The following OTOA variants were observed in gnomAD, a reference collection of about 807,000 sequenced individuals.
The protein encoded by OTOA is cancer/testis antigen 108.
In OTOA, 70 loss-of-function variants were observed where a neutral mutation model predicts 110.8. That is an observed-to-expected ratio of 0.63 (90% CI 0.52 to 0.77). OTOA has a LOEUF of 0.77. Ranked by LOEUF, OTOA falls within the 30% of genes least tolerant of loss-of-function variation. The probability of loss-of-function intolerance (pLI) is 0.00; values close to 1 mark genes in which losing one functional copy is unlikely to be tolerated. For synonymous variants in OTOA, 373 were observed against 431.5 expected (o/e 0.86, Z 1.68); for missense variants, 917 against 1,075.8 (o/e 0.85, Z 2.06).
intron 17 of OTOA, 89 bp from the exon 18 acceptor site, chr16:21,722,816 G>A: frequency 8.6e-7 from 1 of 1,157,502 alleles, no homozygotes; most frequent in East Asian, 2.3e-5. Flanking sequence ...CACGTATGAA[G>A]CACTTAGAAT....
chr16:21,685,913 T>G (rs574756664), intron 7 of OTOA, among the ~76,000 whole-genome samples: 27 of 152,246 alleles, frequency 1.8e-4, no homozygotes, highest in African/African-American at 6.5e-4. Flanking sequence ...TCTGAGAATC[T>G]CCTGGTTGTT....
At chr16:21,759,514 C>T (rs1240115630) in intron 28 of OTOA, among the ~76,000 whole-genome samples, 1 of 151,460 alleles carries the variant, frequency 6.6e-6, no homozygotes, top group African/African-American at 2.4e-5. Context: ...GCTGCAGCTC[C>T]TGACCTGATA....
intron 6 of OTOA, among the ~76,000 whole-genome samples, chr16:21,682,588 T>C (rs1036491350): frequency 1.3e-5 from 2 of 152,226 alleles, no homozygotes; most frequent in Non-Finnish European, 2.9e-5. Context: ...CTCGTGCCTG[T>C]GGTGGTGACT....
At chr16:21,709,438 G>GA (rs199771535) in intron 12 of OTOA, among the ~76,000 whole-genome samples, 227 of 137,496 alleles carry the variant, frequency 1.7e-3, no homozygotes, top group African/African-American at 4.3e-3. Context: ...TCTGTCTTAA[G>GA]AAAAAAAAAA....
At chr16:21,721,038 C>T (rs1044919615) in intron 17 of OTOA, among the ~76,000 whole-genome samples, 1 of 151,534 alleles carries the variant, frequency 6.6e-6, no homozygotes, top group South Asian at 2.1e-4. Flanking sequence ...CCTCAGTCTC[C>T]TGTCTAACTG....
chr16:21,689,874 C>CA (rs1044544549), intron 8 of OTOA, among the ~76,000 whole-genome samples: 9 of 152,000 alleles, frequency 5.9e-5, no homozygotes, highest in African/African-American at 9.7e-5. Flanking sequence ...TTAGTAGAGA[C>CA]AGAGTTTCAT....
intron 22 of OTOA, among the ~76,000 whole-genome samples, chr16:21,737,655 C>A (rs1441073074): frequency 6.8e-6 from 1 of 146,990 alleles, no homozygotes; most frequent in Non-Finnish European, 1.5e-5. Context: ...GTAGTTGGGA[C>A]TACAGGCATG....
chr16:21,672,298 C>T (rs770949451), intron 1 of OTOA, among the ~76,000 whole-genome samples: 2 of 151,900 alleles, frequency 1.3e-5, no homozygotes, highest in African/African-American at 2.4e-5. Context: ...CCTTTGGGTG[C>T]TTAAAAATTT....
intron 13 of OTOA, among the ~76,000 whole-genome samples, chr16:21,711,509 G>A (rs376738369): frequency 1.1e-4 from 16 of 152,160 alleles, no homozygotes; most frequent in Admixed American, 6.5e-4. Flanking sequence ...TGCCCTTGTC[G>A]CCCATGCTGG....
Position 21,725,307 on chromosome 16 carries a change from C to T in OTOA, c.1881-1216C>T, listed in dbSNP as rs186071711. ...TTTTTTTGTTGTTGTTGTTTTGAGA[C>T]GGGGTCCCATTCTGTCACCCAGGTT... On this transcript the variant is annotated intron_variant, in intron 18 of 28. Transcript: ENST00000646100. 3.2e-3 allele frequency among the ~76,000 whole-genome samples: 487 copies of T among 152,102 alleles called. 4 individuals carry two copies. The highest frequency in any genetic ancestry group is 0.02 in the Middle Eastern group (6 of 294).
Position 21,678,608 on chromosome 16 carries a change from A to G in OTOA, c.91+3A>G, listed in dbSNP as rs769730051. 1.9e-6 allele frequency: 3 copies of G among 1,612,016 alleles called. No homozygotes were observed. Among genetic ancestry groups the G allele is most frequent in the South Asian group, 1.1e-5 (1 of 91,016 alleles). ...TACAGTGCCAAATTCCAGGCAGGGT[A>G]AGTCCTGAGGGAAGAATCACCCTTT... On this transcript the variant is annotated splice_donor_region_variant and intron_variant, in intron 2 of 28. Transcript: ENST00000646100.
chr16:21,721,417 C>T (rs141146453), intron 17 of OTOA: 78 of 455,708 alleles, frequency 1.7e-4, no homozygotes, highest in African/African-American at 1.5e-3. Flanking sequence ...CGGAGCAGAG[C>T]TACTGGCCTC....
At chr16:21,695,882 TATATATA>T (rs1433603614) in intron 9 of OTOA, among the ~76,000 whole-genome samples, 3 of 49,604 alleles carry the variant, frequency 6.0e-5, no homozygotes, top group African/African-American at 3.1e-4. Context: ...TATATATATA[TATATATA>T]TATTTTTTTT....
At chr16:21,705,426 T>A in intron 12 of OTOA, 134 bp downstream of exon 12, 1 of 1,373,040 alleles carries the variant, frequency 7.3e-7, no homozygotes, top group Non-Finnish European at 1.0e-6. Context: ...TCACAGCAGA[T>A]GGCATCTCAA....
chr16:21,678,800 T>C, intron 2 of OTOA, 115 bp from the exon 3 acceptor site: 1 of 1,354,872 alleles, frequency 7.4e-7, no homozygotes, highest in Non-Finnish European at 1.0e-6. Context: ...TAATTAAAAT[T>C]CACTAAAAAT....
chr16:21,727,894 C>T (rs573110640), intron 19 of OTOA, among the ~76,000 whole-genome samples: 3 of 149,742 alleles, frequency 2.0e-5, no homozygotes, highest in South Asian at 4.2e-4. Context: ...CAGAGTTTTC[C>T]TCTGTCACCC....
chr16:21,725,675 G>A (rs1898891517), intron 18 of OTOA, among the ~76,000 whole-genome samples: 1 of 152,318 alleles, frequency 6.6e-6, no homozygotes, highest in South Asian at 2.1e-4. Context: ...CATAGAGGCG[G>A]AAGAACATGT....
intron 12 of OTOA, among the ~76,000 whole-genome samples, chr16:21,707,552 T>TCCTCCCTC (rs1031299267): frequency 1.3e-5 from 2 of 149,122 alleles, no homozygotes; most frequent in East Asian, 2.0e-4. Context: ...TTCCCTCCCT[T>TCCTCCCTC]CCTCCCTCCC....
chr16:21,726,433 G>A, intron 18 of OTOA, 90 bp from the exon 19 acceptor site: 1 of 1,542,098 alleles, frequency 6.5e-7, no homozygotes, highest in Non-Finnish European at 9.0e-7. Context: ...AATGTCTTTG[G>A]GATGAGCTCT....
Sources: gnomAD v4.1 joint callset for allele counts (sites outside exome capture counted in the v4.1 genomes callset) on GRCh38, gnomAD v4.1.1 for gene constraint, MANE v1.5 for transcripts, NCBI Gene and HGNC (gene_info 2026-07-23, HGNC 2026-07-21) for gene names.